The following RBL2 variants were observed in gnomAD, a reference collection of about 807,000 sequenced individuals.
The protein encoded by RBL2 is RB transcriptional corepressor like 2.
A neutral mutation model predicts 126.0 loss-of-function variants in RBL2; 56 were observed. The observed-to-expected ratio is 0.44, with a 90% confidence interval of 0.36 to 0.56. The LOEUF is 0.56. Among genes scored for constraint, RBL2 ranks in the 20% least tolerant of loss-of-function variants. The pLI, the probability that RBL2 is intolerant of heterozygous loss-of-function variation, is 0.00. For synonymous variants in RBL2, 454 were observed against 478.5 expected, an observed-to-expected ratio of 0.95 and a Z score of 0.67; for missense variants, 1,229 against 1,398.2, an observed-to-expected ratio of 0.88 and a Z score of 1.93.
intron 2 of RBL2, among the ~76,000 whole-genome samples, chr16:53,441,141 G>A (rs773193780): frequency 1.3e-4 from 20 of 151,268 alleles, no homozygotes; most frequent in Non-Finnish European, 2.5e-4. Flanking sequence ...TGTATTTTTT[G>A]TGGAGACCAG....
At chr16:53,450,497 G>C (rs557743356) in intron 4 of RBL2, among the ~76,000 whole-genome samples, 48 of 152,230 alleles carry the variant, frequency 3.2e-4, no homozygotes, top group Non-Finnish European at 6.5e-4. Context: ...TACATGTGCA[G>C]TGTTTAACTA....
chr16:53,484,058 T>C (rs191596198), intron 21 of RBL2, among the ~76,000 whole-genome samples: 1 of 152,320 alleles, frequency 6.6e-6, no homozygotes, highest in East Asian at 1.9e-4. Context: ...AAGATATACT[T>C]TCTCTGTTAT....
chr16:53,449,534 G>T (rs182714139), intron 4 of RBL2: 96 of 149,480 alleles, frequency 6.4e-4, no homozygotes, highest in Non-Finnish European at 1.9e-4. Context: ...AGCGGAGGCT[G>T]CAGTGAGCTG....
chr16:53,481,664 T>A lies in RBL2; in HGVS notation c.3085-7T>A, dbSNP rs757819462. The A allele has an allele frequency of 3.1e-5, 48 of 1,545,356 alleles. No individual in the cohort carries two copies. The Middle Eastern group carries it at 5.1e-4, about 17-fold the overall frequency. ...CTTAGAATTACTGATTTTTTTTTTTTAAACAGATGGATGCTCCTCCACTCT... is the reference window on the plus strand; with the variant it reads ...CTTAGAATTACTGATTTTTTTTTTTAAAACAGATGGATGCTCCTCCACTCT... On this transcript the variant is annotated splice_region_variant and splice_polypyrimidine_tract_variant and intron_variant, in intron 20 of 21. Transcript: ENST00000262133.
Position 53,457,260 on chromosome 16 carries a change from T to C in RBL2, c.1180-2191T>C, listed in dbSNP as rs1489797010. On this transcript the variant is annotated intron_variant, in intron 8 of 21. Transcript: ENST00000262133. ...GTCATCAGGGTGGGTACAGATAGCT[T>C]TTTTTTTTTTTTTTTTTGAGATGGA... is the stretch of plus-strand genomic sequence containing the variant. 4.4e-5 allele frequency among the ~76,000 whole-genome samples: 5 copies of C among 112,388 alleles called. 1 individual carries two copies. Among genetic ancestry groups the C allele is most frequent in the Non-Finnish European group, 7.3e-5 (4 of 54,524 alleles). 73.7% of individuals were successfully genotyped at this position (112,388 alleles called of 152,430 possible). A position where few individuals can be genotyped will look rare whatever the true frequency, so the allele number is the denominator to read the frequency against.
At position 53,465,575 on chromosome 16, in the gene RBL2, T is replaced by C; in HGVS notation, c.1836T>C (p.Asn612=). 1 of 1,594,608 alleles carries C rather than the reference T, an allele frequency of 6.3e-7. No individual in the cohort carries two copies. Among genetic ancestry groups the C allele is most frequent in the Admixed American group, 1.8e-5 (1 of 55,022 alleles). The part of the protein sequence containing the change: ...ESPLWEKIRD[N]ENRVPTCEEV... ...CACTCTGGGAAAAAATTAGAGACAATGAAAACAGAGTTCCTACATGTGAAG... is the reference window on the plus strand; with the variant it reads ...CACTCTGGGAAAAAATTAGAGACAACGAAAACAGAGTTCCTACATGTGAAG... Residue 612 remains asparagine, a synonymous_variant, in exon 13 of 22, where the codon AAT becomes AAC. Transcript: ENST00000262133.
intron 14 of RBL2, among the ~76,000 whole-genome samples, chr16:53,468,182 AG>A (rs1415867079): frequency 1.3e-5 from 2 of 152,246 alleles, no homozygotes; most frequent in Non-Finnish European, 2.9e-5. Context: ...TCTTATTTCT[AG>A]ATCAGTTTTA....
At chr16:53,467,699 A>G (rs1348533993) in intron 14 of RBL2, among the ~76,000 whole-genome samples, 1 of 152,290 alleles carries the variant, frequency 6.6e-6, no homozygotes, top group East Asian at 1.9e-4. Context: ...ACTGCTGTAT[A>G]TTTAATATGA....
At chr16:53,444,484 T>A (rs1292531303) in intron 3 of RBL2, among the ~76,000 whole-genome samples, 13 of 151,118 alleles carry the variant, frequency 8.6e-5, no homozygotes, top group African/African-American at 2.4e-4. Context: ...ACCTCAGAGT[T>A]GGAGGTTGCA....
chr16:53,489,922 G>GA (rs1180208209), intron 21 of RBL2: 3 of 372,778 alleles, frequency 8.0e-6, no homozygotes, highest in Non-Finnish European at 1.4e-5. Context: ...GTTAAAAATA[G>GA]AACTACTCAG....
At chr16:53,481,934 G>A (rs1960968016) in intron 21 of RBL2, 99 bp downstream of exon 21, 1 of 1,352,432 alleles carries the variant, frequency 7.4e-7, no homozygotes, top group Non-Finnish European at 1.0e-6. Context: ...AGAGTGATGA[G>A]AGCTGCCAGG....
In RBL2 at chr16:53,434,561, C is replaced by T. The variant is rs556772657; in HGVS notation, c.5C>T (p.Pro2Leu). M[P>L]SGGDQSPPPP... ...CCGGCCGCCCAGGGGTGCGCTATGC[C>T]GTCGGGAGGTGACCAGTCGCCACCG... Residue 2 changes from proline (P) to leucine (L), a missense_variant, in exon 1 of 22, where the codon CCG becomes CTG. This residue lies in a region of RBL2 where 159 missense variants were observed against 123.9 expected (regional missense o/e 1.28). Coordinates refer to ENST00000262133, the MANE Select transcript of RBL2 (RefSeq NM_005611.4). 4.2e-5 allele frequency: 63 copies of T among 1,501,906 alleles called. 1 individual carries two copies. In the South Asian group the frequency reaches 5.9e-4, roughly 14 times the overall value. 93.0% of individuals were successfully genotyped at this position (1,501,906 alleles called of 1,614,324 possible).
chr16:53,477,816 T>G (rs1355168278), intron 17 of RBL2, among the ~76,000 whole-genome samples: 1 of 152,076 alleles, frequency 6.6e-6, no homozygotes, highest in African/African-American at 2.4e-5. Context: ...ATACAATTGA[T>G]TTTTTAATCA....
chr16:53,445,147 C>T (rs1300277763), intron 3 of RBL2, among the ~76,000 whole-genome samples: 1 of 151,736 alleles, frequency 6.6e-6, no homozygotes. Flanking sequence ...GACAGTATGG[C>T]GAAACTTCAT....
At chr16:53,475,835 C>CTTT (rs10540773) in intron 17 of RBL2, among the ~76,000 whole-genome samples, 41 of 76,452 alleles carry the variant, frequency 5.4e-4, no homozygotes, top group African/African-American at 1.3e-3. Flanking sequence ...ATTTCAATAT[C>CTTT]TTTTTTTTTT....
intron 7 of RBL2, 98 bp from the exon 8 acceptor site, chr16:53,454,558 A>G (rs1239608104): frequency 2.6e-6 from 3 of 1,173,940 alleles, no homozygotes; most frequent in Non-Finnish European, 3.5e-6. Context: ...ACTTTCAAAA[A>G]ACTATTAGAA....
intron 9 of RBL2, among the ~76,000 whole-genome samples, chr16:53,460,994 G>C (rs886573052): frequency 1.3e-5 from 2 of 152,162 alleles, no homozygotes; most frequent in African/African-American, 4.8e-5. Flanking sequence ...GCCAGGAACA[G>C]TTTATGTGAG....
At chr16:53,457,558 C>T (rs1378194655) in intron 8 of RBL2, among the ~76,000 whole-genome samples, 1 of 151,748 alleles carries the variant, frequency 6.6e-6, no homozygotes, top group South Asian at 2.1e-4. Flanking sequence ...CATGCCCAGC[C>T]GTAGATGGCT....
rs1435463686 is a variant in RBL2, at chr16:53,480,430, G to C, written c.2882-137G>C. The C allele has an allele frequency of 7.0e-6, 5 of 719,208 alleles. No homozygotes were observed. The African/African-American group carries it at 7.1e-5, about 10-fold the overall frequency. The allele number at this position is 719,208 out of a possible 1,614,324, so 44.6% of individuals were successfully genotyped here. ...TATCCTAGCTGAGCTTTGCTTTTTG[G>C]TGTGAAGAACAGAGTGCCTATTCAC... On this transcript the variant is annotated intron_variant, in intron 19 of 21. Transcript: ENST00000262133.
Sources: gnomAD v4.1 joint callset for allele counts (sites outside exome capture counted in the v4.1 genomes callset) on GRCh38, gnomAD v4.1.1 for gene constraint, gnomAD v4.1.1 regional missense constraint, MANE v1.5 for transcripts, NCBI Gene and HGNC (gene_info 2026-07-23, HGNC 2026-07-21) for gene names.